UPF3B: variants seen among roughly 807,000 people sequenced by gnomAD.
The protein encoded by UPF3B is regulator of nonsense transcripts 3B.
Under a neutral mutation model 40.3 loss-of-function variants are expected in UPF3B, and 7 were observed. That is an observed-to-expected ratio of 0.17 (90% confidence interval 0.10 to 0.33). UPF3B has a LOEUF of 0.33. Among genes scored for constraint, UPF3B ranks in the 10% least tolerant of loss-of-function variants. The pLI is 1.00. For missense variants in UPF3B, 229 were observed against 358.9 expected, an observed-to-expected ratio of 0.64 and a Z score of 2.93; for synonymous variants, 117 against 117.3, an observed-to-expected ratio of 1.00 and a Z score of 0.01.
chrX:119,807,672 A>T (rs968795395), intron 5 of UPF3B: 8 of 470,427 alleles, frequency 1.7e-5, no homozygotes, highest in Admixed American at 9.2e-5. Flanking sequence ...ATTAATATAT[A>T]CTAAAGCTCA....
At chrX:119,832,341 C>A (rs771044479), downstream of UPF3B, among the ~76,000 whole-genome samples, 1 of 112,242 alleles carries the variant, frequency 8.9e-6, no homozygotes, top group African/African-American at 3.2e-5. Context: ...TCACTGCAAT[C>A]TCTGCCTCCC....
chrX:119,826,353 T>C (rs1479652421), intron 3 of UPF3B, among the ~76,000 whole-genome samples: 1 of 107,333 alleles, frequency 9.3e-6, no homozygotes, highest in African/African-American at 3.4e-5. Context: ...TGGTGGTGCG[T>C]GCCTATAATC....
At chrX:119,828,913 G>A (rs5956155) in intron 3 of UPF3B, among the ~76,000 whole-genome samples, 2,104 of 110,650 alleles carry the variant, frequency 0.019, 54 homozygotes, top group African/African-American at 0.065. Context: ...TAGAGACGGG[G>A]TTTCACCATG....
chrX:119,850,669 A>G (rs2056291920), intron 3 of UPF3B, among the ~76,000 whole-genome samples: 2 of 112,640 alleles, frequency 1.8e-5, no homozygotes, highest in South Asian at 7.2e-4. Context: ...CAGATAATAG[A>G]GTGTTAAAGT....
intron 6 of UPF3B, chrX:119,807,379 C>T (rs138574050): frequency 2.4e-3 from 2,100 of 869,909 alleles, no homozygotes; most frequent in Admixed American, 2.8e-3. Context: ...GATTGCTTAA[C>T]GTGTGCTCTT....
At chrX:119,811,644 C>CAAAAA (rs1310033912) in intron 5 of UPF3B, among the ~76,000 whole-genome samples, 22 of 70,928 alleles carry the variant, frequency 3.1e-4, no homozygotes, top group African/African-American at 1.2e-3. Context: ...GACTCAGTCT[C>CAAAAA]AAAAAAAAAA....
Position 119,827,659 on chromosome X carries a change from T to A in UPF3B, c.392+3993A>T, listed in dbSNP as rs945709343. Among the ~76,000 whole-genome samples, 3 of 112,114 alleles carry A rather than the reference T, an allele frequency of 2.7e-5. No individual in the cohort carries two copies. The South Asian group carries it at 1.1e-3, about 41-fold the overall frequency. ...ATCTGCATGCCTCGGCCTCCCAAAG[T>A]GCTGGGATTGTAGGCGCGAGCTACC... is the stretch of plus-strand genomic sequence containing the variant. On this transcript the variant is annotated intron_variant, in intron 3 of 6. Coordinates refer to the UPF3B transcript ENST00000636792.
chrX:119,819,053 C>CTTT lies in UPF3B; in HGVS notation c.495-3749_495-3747dup, dbSNP rs561336054. 7.9e-5 allele frequency among the ~76,000 whole-genome samples: 7 copies of CTTT among 88,429 alleles called. 1 individual carries two copies. Among genetic ancestry groups the CTTT allele is most frequent in the South Asian group, 5.4e-4 (1 of 1,836 alleles). The allele number at this position is 88,429 out of a possible 115,157, so 76.8% of individuals were successfully genotyped here. On this transcript the variant is annotated intron_variant, in intron 4 of 6. Coordinates refer to the UPF3B transcript ENST00000636792. The stretch of plus-strand genomic sequence containing the variant: ...GAGGGCCGAAGAATAGTAACACCAG[C>CTTT]TTTTTTTTTTTTTTTTTTGAGACCA...
chrX:119,828,131 G>A (rs1407910407), intron 3 of UPF3B, among the ~76,000 whole-genome samples: 1 of 109,870 alleles, frequency 9.1e-6, no homozygotes, highest in Non-Finnish European at 1.9e-5. Flanking sequence ...TTGGTTCACT[G>A]CAACTTCTGC....
chrX:119,834,861 A>G lies in UPF3B; in HGVS notation c.*17T>C, dbSNP rs1448517161. The G allele has an allele frequency of 8.3e-7, 1 of 1,210,612 alleles. No homozygotes were observed. The highest frequency in any genetic ancestry group is 2.2e-5 in the Admixed American group (1 of 45,931). ...GGCTGCCTAGACAGTCAGGACACCT[A>G]AGGCCATCTGGACTTATCACTCCTC... On this transcript the variant is annotated 3_prime_UTR_variant, in exon 11 of 11. Transcript: ENST00000276201.
chrX:119,834,808 C>G lies in UPF3B; in HGVS notation c.*70G>C. 1 of 1,209,938 alleles carries G rather than the reference C, an allele frequency of 8.3e-7. No homozygotes were observed. The highest frequency in any genetic ancestry group is 1.1e-6 in the Non-Finnish European group (1 of 895,447). On this transcript the variant is annotated 3_prime_UTR_variant, in exon 11 of 11. Transcript: ENST00000276201. ...CTCTCTATTCTTTGCCCTGAAGGCA[C>G]CTCTGGATTGCTTAACGTGTGCTCT...
In UPF3B at chrX:119,837,934, C is replaced by A. The variant is rs2056118395; in HGVS notation, c.1125G>T (p.Arg375Ser). 8.3e-7 allele frequency: 1 copy of A among 1,210,999 alleles called. No individual in the cohort carries two copies. Among genetic ancestry groups the A allele is most frequent in the East Asian group, 3.0e-5 (1 of 33,858 alleles). The change falls in exon 10 of 11, where the codon AGG becomes AGT. Residue 375 changes from arginine (R) to serine (S), a missense_variant. Arg to Ser is a moderately radical substitution (Grantham distance 110). Transcript: ENST00000276201. ...TCTCTTTCTCATAGCGCTCCTTCTG[C>A]CTACGGCGCTCTTCTTCTTGCCGCT... ...RLKRQEEERR[R>S]QKERYEKEKT...
chrX:119,840,603 T>G (rs769897655), intron 8 of UPF3B, 43 bp downstream of exon 8: 2 of 1,159,510 alleles, frequency 1.7e-6, no homozygotes. Context: ...CCTGTGTGTG[T>G]GACATGATAC....
rs185101186 is a variant in UPF3B at position 119,827,167 on chromosome X, C to A, written c.393-4124G>T. On this transcript the variant is annotated intron_variant, in intron 3 of 6. Transcript: ENST00000636792. Reference sequence around the variant, plus strand: ...ACAGTCAGGATTTAGTACCCTCTGACTTCTTTTTGTTTCCTAATCTTAAAA... The same window carrying A: ...ACAGTCAGGATTTAGTACCCTCTGAATTCTTTTTGTTTCCTAATCTTAAAA... Among the ~76,000 whole-genome samples the A allele has an allele frequency of 2.2e-3, 239 of 111,109 alleles. 1 individual carries two copies. The highest frequency in any genetic ancestry group is 7.5e-3 in the African/African-American group (229 of 30,640).
intron 5 of UPF3B, among the ~76,000 whole-genome samples, chrX:119,810,973 C>G (rs1168994951): frequency 9.0e-6 from 1 of 110,779 alleles, no homozygotes; most frequent in Non-Finnish European, 1.9e-5. Flanking sequence ...ACAAAAGTGT[C>G]AAAGTTTCTT....
At position 119,834,205 on chromosome X, in the gene UPF3B, C is replaced by T. The variant is rs911242681; in HGVS notation, c.*673G>A. The T allele has an allele frequency of 2.7e-6, 2 of 753,469 alleles. No homozygotes were observed. The allele number at this position is 753,469 out of a possible 1,213,427, so 62.1% of individuals were successfully genotyped here. On this transcript the variant is annotated 3_prime_UTR_variant, in exon 11 of 11. Transcript: ENST00000276201. ...AGAGTCAAACAAGGACTACATTTTACCTCTTAATAGAAAAGATGCTGATGA... is the reference window on the plus strand; with the variant it reads ...AGAGTCAAACAAGGACTACATTTTATCTCTTAATAGAAAAGATGCTGATGA...
At chrX:119,845,631 G>A (rs1373204729) in intron 3 of UPF3B, among the ~76,000 whole-genome samples, 1 of 111,925 alleles carries the variant, frequency 8.9e-6, no homozygotes, top group Non-Finnish European at 1.9e-5. Flanking sequence ...AATCTATAGA[G>A]ACAGAACGTA....
chrX:119,838,658 C>G, intron 8 of UPF3B, 131 bp from the exon 9 acceptor site: 1 of 630,533 alleles, frequency 1.6e-6, no homozygotes, highest in Non-Finnish European at 2.5e-6. Context: ...CTTAATCTTT[C>G]AGGTGAACAA....
chrX:119,842,580 T>TCTCTCTCACA (rs1556379941), intron 5 of UPF3B, among the ~76,000 whole-genome samples: 1 of 71,459 alleles, frequency 1.4e-5, no homozygotes, highest in African/African-American at 6.1e-5. Context: ...ACTCCATCTC[T>TCTCTCTCACA]CACACACACA....
Sources: gnomAD v4.1 joint callset for allele counts (sites outside exome capture counted in the v4.1 genomes callset) on GRCh38, gnomAD v4.1.1 for gene constraint, MANE v1.5 for transcripts, NCBI Gene and HGNC (gene_info 2026-07-23, HGNC 2026-07-21) for gene names.